Variants in RPH3A observed in about 807,000 individuals in gnomAD.
RPH3A encodes rabphilin 3A.
RPH3A carries 48 observed loss-of-function variants against 102.2 expected under a neutral mutation model. That is an observed-to-expected ratio of 0.47 (90% CI 0.37 to 0.60). The LOEUF is 0.60. Ranked by LOEUF, RPH3A falls within the 20% of genes least tolerant of loss-of-function variation. RPH3A has a pLI of 0.00. For missense variants in RPH3A, 781 were observed against 910.1 expected, an observed-to-expected ratio of 0.86 and a Z score of 1.83; for synonymous variants, 310 against 324.3, an observed-to-expected ratio of 0.96 and a Z score of 0.47.
chr12:112,613,309 G>A (rs968158212), intron 1 of RPH3A, among the ~76,000 whole-genome samples: 10 of 152,072 alleles, frequency 6.6e-5, no homozygotes, highest in Middle Eastern at 6.8e-3. Flanking sequence ...AGACCAGGTC[G>A]TTGCCTTCCT....
chr12:112,736,595 C>G (rs758339815), intron 1 of RPH3A, among the ~76,000 whole-genome samples: 1 of 152,198 alleles, frequency 6.6e-6, no homozygotes, highest in Admixed American at 6.5e-5. Context: ...ATTAACGACC[C>G]TTGGGATAAG....
intron 1 of RPH3A, among the ~76,000 whole-genome samples, chr12:112,647,930 A>T (rs1344264699): frequency 6.6e-6 from 1 of 152,216 alleles, no homozygotes; most frequent in Non-Finnish European, 1.5e-5. Flanking sequence ...TGTTATTGTT[A>T]TTATTCTTGC....
intron 5 of RPH3A, among the ~76,000 whole-genome samples, chr12:112,854,697 C>G (rs1429100433): frequency 1.3e-5 from 2 of 152,212 alleles, no homozygotes; most frequent in Non-Finnish European, 2.9e-5. Flanking sequence ...CTCATAATGT[C>G]CTCACTGAGA....
At chr12:112,755,296 TATACAC>T (rs759529914) in intron 1 of RPH3A, among the ~76,000 whole-genome samples, 1,486 of 95,216 alleles carry the variant, frequency 0.016, 18 homozygotes, top group African/African-American at 0.053. Flanking sequence ...TATATATGTA[TATACAC>T]ACACACACAC....
intron 1 of RPH3A, among the ~76,000 whole-genome samples, chr12:112,596,095 A>G (rs1164796206): frequency 6.6e-6 from 1 of 152,230 alleles, no homozygotes; most frequent in Non-Finnish European, 1.5e-5. Flanking sequence ...ATTGAGTGAG[A>G]AAAGCAAGAT....
chr12:112,755,282 A>AAT (rs1271837245), intron 1 of RPH3A, among the ~76,000 whole-genome samples: 2 of 142,164 alleles, frequency 1.4e-5, no homozygotes, highest in Non-Finnish European at 3.0e-5. Context: ...AGTAAAATTG[A>AAT]ATATATATAT....
intron 5 of RPH3A, among the ~76,000 whole-genome samples, chr12:112,863,583 T>G (rs1161286552): frequency 6.6e-6 from 1 of 152,218 alleles, no homozygotes; most frequent in East Asian, 1.9e-4. Flanking sequence ...CCTCCCAAAG[T>G]GTTGGGATTA....
At chr12:112,896,532 A>G in intron 21 of RPH3A, 118 bp from the exon 22 acceptor site, 3 of 1,145,722 alleles carry the variant, frequency 2.6e-6, no homozygotes, top group South Asian at 2.9e-5. Flanking sequence ...TCTATAGAGT[A>G]TGGATCCCAG....
At chr12:112,820,761 C>T (rs1440387648) in intron 2 of RPH3A, among the ~76,000 whole-genome samples, 2 of 152,210 alleles carry the variant, frequency 1.3e-5, no homozygotes, top group Non-Finnish European at 2.9e-5. Flanking sequence ...TCTGTGCCTA[C>T]TTTAAAATCT....
intron 1 of RPH3A, among the ~76,000 whole-genome samples, chr12:112,663,108 G>A (rs1021425498): frequency 4.8e-5 from 7 of 145,330 alleles, no homozygotes; most frequent in Admixed American, 1.4e-4. Flanking sequence ...GAGAGAGAGC[G>A]AGAGAGAGAG....
intron 1 of RPH3A, among the ~76,000 whole-genome samples, chr12:112,593,487 T>C: frequency 6.6e-6 from 1 of 152,208 alleles, no homozygotes; most frequent in Non-Finnish European, 1.5e-5. Context: ...ACATTCTCTA[T>C]TAGAATTGAT....
intron 1 of RPH3A, among the ~76,000 whole-genome samples, chr12:112,678,251 AAGAAAGAAAGAAAG>A (rs1401256422): frequency 4.8e-4 from 22 of 45,918 alleles, no homozygotes; most frequent in Non-Finnish European, 8.3e-4. Flanking sequence ...GAAAGAAAGA[AAGAAAGAAAGAAAG>A]AAAGAAAGAA....
intron 1 of RPH3A, among the ~76,000 whole-genome samples, chr12:112,619,251 T>C (rs1307764608): frequency 1.4e-5 from 1 of 70,868 alleles, no homozygotes; most frequent in Non-Finnish European, 2.5e-5. Context: ...TAATTCTGTG[T>C]GTGTGTGTGT....
chr12:112,842,020 C>T (rs752656914), intron 4 of RPH3A: 28 of 455,882 alleles, frequency 6.1e-5, no homozygotes, highest in South Asian at 4.3e-4. Flanking sequence ...TTTGAGGTGT[C>T]AAAGAGTTTC....
intron 1 of RPH3A, among the ~76,000 whole-genome samples, chr12:112,682,225 T>C (rs1032836923): frequency 6.6e-6 from 1 of 152,168 alleles, no homozygotes; most frequent in Non-Finnish European, 1.5e-5. Context: ...ATGCTGTCTG[T>C]GACATGGAGA....
At chr12:112,624,378 C>G (rs1199939668) in intron 1 of RPH3A, among the ~76,000 whole-genome samples, 4 of 149,026 alleles carry the variant, frequency 2.7e-5, no homozygotes, top group African/African-American at 9.9e-5. Flanking sequence ...GGGGATATCA[C>G]CACCGATCCC....
At chr12:112,778,500 AT>A (rs903757139) in intron 1 of RPH3A, among the ~76,000 whole-genome samples, 4 of 152,106 alleles carry the variant, frequency 2.6e-5, no homozygotes, top group African/African-American at 4.8e-5. Context: ...TATGAATTTA[AT>A]TTTTTTTAGT....
intron 1 of RPH3A, among the ~76,000 whole-genome samples, chr12:112,699,525 G>C (rs1471067293): frequency 6.6e-6 from 1 of 152,178 alleles, no homozygotes; most frequent in Non-Finnish European, 1.5e-5. Context: ...AAAGCAGCCA[G>C]ACAGAAAAGG....
intron 19 of RPH3A, 41 bp downstream of exon 19, chr12:112,891,044 G>T (rs760748009): frequency 1.0e-5 from 16 of 1,607,170 alleles, no homozygotes; most frequent in Admixed American, 3.4e-5. Flanking sequence ...CCCTGAAGGA[G>T]TCCTGGAGCC....
Sources: allele counts gnomAD v4.1 joint callset (sites outside exome capture counted in the v4.1 genomes callset), GRCh38; gene constraint gnomAD v4.1.1; transcripts MANE v1.5; gene names NCBI Gene and HGNC (gene_info 2026-07-23, HGNC 2026-07-21).